The following E2F1 variants were observed in gnomAD, a reference collection of about 807,000 sequenced individuals.
The protein encoded by E2F1 is transcription factor E2F1.
E2F1 carries 7 observed loss-of-function variants against 36.9 expected under a neutral mutation model. That is an observed-to-expected ratio of 0.19 (90% CI 0.11 to 0.36). The LOEUF (loss-of-function observed/expected upper bound fraction) is 0.36, where lower values mean the gene tolerates loss of function less well. E2F1 is among the 10% of genes least tolerant of loss of function. The pLI, the probability that E2F1 is intolerant of heterozygous loss-of-function variation, is 1.00. For missense variants in E2F1, 406 were observed against 573.6 expected (o/e 0.71, Z 2.99); for synonymous variants, 261 against 263.1 (o/e 0.99, Z 0.08).
At position 33,686,104 on chromosome 20, in the gene E2F1, G is replaced by A. The variant is rs1252483725; in HGVS notation, c.161C>T (p.Pro54Leu). 3.7e-6 allele frequency: 4 copies of A among 1,077,220 alleles called. No individual in the cohort carries two copies. The Admixed American group carries it at 1.6e-4, about 43-fold the overall frequency. The allele number at this position is 1,077,220 out of a possible 1,614,324, so 66.7% of individuals were successfully genotyped here. The change falls in exon 1 of 7, where the codon CCC becomes CTC. Residue 54 changes from proline to leucine, a missense_variant. Coordinates refer to ENST00000343380, the MANE Select transcript of E2F1 (RefSeq NM_005225.3). ...GTCAGGGTCGCAGGGGCCGGCGGCG[G>A]GCGCCGCGGGGCCGGTGGGAGCCGG... ...APPAPTGPAA[P>L]AAGPCDPDLL...
intron 6 of E2F1, 36 bp from the exon 7 acceptor site, chr20:33,677,015 C>A: frequency 6.4e-7 from 1 of 1,558,594 alleles, no homozygotes; most frequent in Non-Finnish European, 8.7e-7. Context: ...CCGGGGATGC[C>A]CCAGCAGGGA....
chr20:33,676,957 G>T lies in E2F1; in HGVS notation c.1089C>A (p.Gly363=). 1 of 1,564,420 alleles carries T rather than the reference G, an allele frequency of 6.4e-7. No individual in the cohort carries two copies. The highest frequency in any genetic ancestry group is 8.7e-7 in the Non-Finnish European group (1 of 1,152,130). Residue 363 remains glycine, a synonymous_variant, in exon 7 of 7, where the codon GGC becomes GGA. Transcript: ENST00000343380. ...CCTCGTCCACGGGAGCCCGCAGGCTGCCCATCCGGGACAACAGCGGTTCTG... is the reference window on the plus strand; with the variant it reads ...CCTCGTCCACGGGAGCCCGCAGGCTTCCCATCCGGGACAACAGCGGTTCTG... ...LEQEPLLSRM[G]SLRAPVDEDR...
At chr20:33,683,366 G>A (rs983122255) in intron 1 of E2F1, among the ~76,000 whole-genome samples, 17 of 145,934 alleles carry the variant, frequency 1.2e-4, no homozygotes, top group African/African-American at 4.1e-4. Context: ...CAGAAGAATC[G>A]CTTGAACCCA....
At chr20:33,684,411 A>T in intron 1 of E2F1, among the ~76,000 whole-genome samples, 1 of 151,442 alleles carries the variant, frequency 6.6e-6, no homozygotes, top group South Asian at 2.1e-4. Flanking sequence ...ACCCCCTCCC[A>T]CCCACTCATT....
chr20:33,678,160 C>A, intron 4 of E2F1, 41 bp downstream of exon 4: 1 of 1,577,066 alleles, frequency 6.3e-7, no homozygotes, highest in Non-Finnish European at 8.7e-7. Context: ...CCCCTGCCTG[C>A]TAAGCCTGCC....
At chr20:33,682,961 G>A (rs963875588) in intron 1 of E2F1, among the ~76,000 whole-genome samples, 4 of 152,112 alleles carry the variant, frequency 2.6e-5, no homozygotes, top group African/African-American at 7.2e-5. Context: ...AATACATTTC[G>A]GGGCAGCCTC....
intron 1 of E2F1, among the ~76,000 whole-genome samples, chr20:33,684,066 G>A (rs2018041930): frequency 6.6e-6 from 1 of 152,196 alleles, no homozygotes; most frequent in Non-Finnish European, 1.5e-5. Context: ...CTGGGGGCCA[G>A]GGCTCCTTGT....
chr20:33,679,937 G>C lies in E2F1; in HGVS notation c.390C>G (p.Thr130=). 6.2e-7 allele frequency: 1 copy of C among 1,614,220 alleles called. No homozygotes were observed. Among genetic ancestry groups the C allele is most frequent in the Non-Finnish European group, 8.5e-7 (1 of 1,180,026 alleles). ...KSPGEKSRYE[T]SLNLTTKRFL... ...AGCGCTTGGTGGTCAGATTCAGTGAGGTCTCATAGCGTGACTTCTCCCCCG... is the reference window on the plus strand; with the variant it reads ...AGCGCTTGGTGGTCAGATTCAGTGACGTCTCATAGCGTGACTTCTCCCCCG... Residue 130 remains threonine, a synonymous_variant, in exon 3 of 7, where the codon ACC becomes ACG. Transcript: ENST00000343380. The surrounding 1 kb of genome is among the most constrained non-coding windows in gnomAD (Gnocchi z 4.6).
rs541956472 is a variant in E2F1 at position 33,677,450 on chromosome 20, C to G, written c.816G>C (p.Gln272His). The G allele has an allele frequency of 3.1e-6, 5 of 1,614,140 alleles. No individual in the cohort carries two copies. The highest frequency in any genetic ancestry group is 3.3e-5 in the Admixed American group (2 of 60,022). ...VMVIKAPPET[Q>H]LQAVDSSENF... ...CCTCCGAAGAGTCCACGGCTTGGAG[C>G]TGGGTCTCAGGAGGGGCTTTGATCA... Residue 272 changes from glutamine to histidine, a missense_variant, in exon 5 of 7, where the codon CAG becomes CAC. Gln to His is a conservative substitution (Grantham distance 24, BLOSUM62 0). Around this residue, in one of 5 missense-constraint regions of E2F1, gnomAD observed 93 missense variants for 143.3 expected, o/e 0.65. Coordinates refer to ENST00000343380, the MANE Select transcript of E2F1 (RefSeq NM_005225.3).
intron 3 of E2F1, among the ~76,000 whole-genome samples, chr20:33,678,859 T>G (rs1433072893): frequency 6.6e-6 from 1 of 152,110 alleles, no homozygotes; most frequent in Admixed American, 6.6e-5. Context: ...GTACGGAGCT[T>G]GAGCCCAGGA....
intron 1 of E2F1, among the ~76,000 whole-genome samples, chr20:33,683,779 AAAAT>A (rs1030349119): frequency 1.3e-5 from 2 of 152,190 alleles, no homozygotes; most frequent in East Asian, 1.9e-4. Context: ...CTCCAAAAAA[AAAAT>A]AAATAAATAA....
In E2F1 at chr20:33,675,911, C is replaced by A; in HGVS notation, c.*821G>T. On this transcript the variant is annotated 3_prime_UTR_variant, in exon 7 of 7. Transcript: ENST00000343380. ...CCCATCTCATATCCATCCTGGGGGGCAGCTGGGGCCCTGAACTGGCCCCCT... is the reference window on the plus strand; with the variant it reads ...CCCATCTCATATCCATCCTGGGGGGAAGCTGGGGCCCTGAACTGGCCCCCT... 1 of 157,554 alleles carries A rather than the reference C, an allele frequency of 6.3e-6. No individual in the cohort carries two copies. The highest frequency in any genetic ancestry group is 1.8e-4 in the East Asian group (1 of 5,694). The allele number at this position is 157,554 out of a possible 1,614,324, so 9.8% of individuals were successfully genotyped here.
chr20:33,677,673 A>C (rs2122543293), intron 4 of E2F1, 133 bp from the exon 5 acceptor site: 4 of 627,080 alleles, frequency 6.4e-6, no homozygotes, highest in Non-Finnish European at 1.1e-5. Flanking sequence ...AACCTACCTC[A>C]CGCCTGAGTT....
chr20:33,685,013 T>C (rs893719425), intron 1 of E2F1, among the ~76,000 whole-genome samples: 1 of 152,152 alleles, frequency 6.6e-6, no homozygotes, highest in African/African-American at 2.4e-5. Flanking sequence ...AGCTCCAGGC[T>C]TCTACGCCTC....
intron 2 of E2F1, 61 bp downstream of exon 2, chr20:33,680,265 T>C: frequency 6.5e-7 from 1 of 1,547,586 alleles, no homozygotes; most frequent in South Asian, 1.1e-5. Flanking sequence ...TGTTTGTCTG[T>C]TCACATCCCT....
In E2F1 at chr20:33,686,321, G is replaced by T; in HGVS notation, c.-57C>A. 1.0e-6 allele frequency: 1 copy of T among 993,928 alleles called. No individual in the cohort carries two copies. The highest frequency in any genetic ancestry group is 4.6e-5 in the South Asian group (1 of 21,790). The allele number at this position is 993,928 out of a possible 1,614,324, so 61.6% of individuals were successfully genotyped here. A position where few individuals can be genotyped will look rare whatever the true frequency, so the allele number is the denominator to read the frequency against. On this transcript the variant is annotated 5_prime_UTR_variant, in exon 1 of 7. Transcript: ENST00000343380. ...GGCGGCGGCGGCGGCGCGGGCCCAT[G>T]GCGGCAGGCCTCGGCGAGGGCTCGA...
rs755958197 is a variant in E2F1, at chr20:33,678,215, G to A, written c.711C>T (p.Asp237=). 5 of 1,612,942 alleles carry A rather than the reference G, an allele frequency of 3.1e-6. No homozygotes were observed. In the South Asian group the frequency reaches 4.4e-5, roughly 14 times the overall value. ...CTTQLRLLSE[D]TDSQRLAYVT... ...TCCAAGGATATCGCTGGCTGTCAGT[G>A]TCCTCGGAGAGCAGGCGCAGCTGCG... is the stretch of plus-strand genomic sequence containing the variant. Residue 237 remains aspartate (D), a synonymous_variant, in exon 4 of 7, where the codon GAC becomes GAT. Transcript: ENST00000343380.
Position 33,679,986 on chromosome 20 carries a change from T to C in E2F1, c.353-12A>G. ...CGGGGATTTCACACCTGTGGGGGTG[T>C]GGTCAGGCAAGACAGGGCCCTTCAG... On this transcript the variant is annotated splice_polypyrimidine_tract_variant and intron_variant, in intron 2 of 6. Transcript: ENST00000343380. The surrounding 1 kb of genome is among the most constrained non-coding windows in gnomAD (Gnocchi z 4.6). 5 of 1,605,032 alleles carry C rather than the reference T, an allele frequency of 3.1e-6. No individual in the cohort carries two copies.
chr20:33,680,501 C>T, intron 1 of E2F1, 85 bp from the exon 2 acceptor site: 2 of 1,208,878 alleles, frequency 1.7e-6, no homozygotes, highest in South Asian at 2.7e-5. Flanking sequence ...CTGGGCTACC[C>T]TCGCCTCAGT....
Sources: gnomAD v4.1 joint callset for allele counts (sites outside exome capture counted in the v4.1 genomes callset) on GRCh38, gnomAD v4.1.1 for gene constraint, gnomAD v4.1.1 regional missense constraint, Gnocchi (gnomAD v3.1) non-coding constraint, MANE v1.5 for transcripts, NCBI Gene and HGNC (gene_info 2026-07-23, HGNC 2026-07-21) for gene names.